The following CBFA2T2 variants were observed in gnomAD, a reference collection of about 807,000 sequenced individuals.
The protein encoded by CBFA2T2 is CBFA2/RUNX1 partner transcriptional co-repressor 2, also known as protein CBFA2T2.
Under a neutral mutation model 62.2 loss-of-function variants are expected in CBFA2T2, and 11 were observed. That is an observed-to-expected ratio of 0.18 (90% confidence interval 0.11 to 0.29). CBFA2T2 has a LOEUF of 0.29. Ranked by LOEUF, CBFA2T2 falls within the 10% of genes least tolerant of loss-of-function variation. CBFA2T2 has a pLI of 1.00. For missense variants in CBFA2T2, 592 were observed against 774.1 expected, an observed-to-expected ratio of 0.76 and a Z score of 2.79; for synonymous variants, 295 against 287.5, an observed-to-expected ratio of 1.03 and a Z score of -0.27.
chr20:33,552,241 T>A (rs2012760363), intron 1 of CBFA2T2, among the ~76,000 whole-genome samples: 1 of 152,186 alleles, frequency 6.6e-6, no homozygotes, highest in Admixed American at 6.5e-5. Flanking sequence ...TGGAGAGCAT[T>A]TTCAGGTTAT....
At chr20:33,525,891 C>T (rs770886073) in intron 1 of CBFA2T2, among the ~76,000 whole-genome samples, 1 of 151,596 alleles carries the variant, frequency 6.6e-6, no homozygotes, top group Non-Finnish European at 1.5e-5. Flanking sequence ...TGAGCTCAAG[C>T]GATCCTTGTG....
At chr20:33,505,608 C>T (rs187620422) in intron 1 of CBFA2T2, among the ~76,000 whole-genome samples, 2 of 152,070 alleles carry the variant, frequency 1.3e-5, no homozygotes, top group East Asian at 3.9e-4. Context: ...TGGAGAAACC[C>T]CCATCTCTGC....
chr20:33,635,763 A>G (rs886346204), intron 8 of CBFA2T2, among the ~76,000 whole-genome samples: 1 of 152,118 alleles, frequency 6.6e-6, no homozygotes, highest in African/African-American at 2.4e-5. Flanking sequence ...CTAAAGTCCT[A>G]GCTACTCAAG....
At chr20:33,609,643 G>A (rs1437988685) in intron 2 of CBFA2T2, among the ~76,000 whole-genome samples, 1 of 152,208 alleles carries the variant, frequency 6.6e-6, no homozygotes, top group African/African-American at 2.4e-5. Flanking sequence ...GAACCGTATG[G>A]GATGAAGAAG....
At chr20:33,503,376 T>G (rs1460603553) in intron 1 of CBFA2T2, among the ~76,000 whole-genome samples, 1 of 147,464 alleles carries the variant, frequency 6.8e-6, no homozygotes, top group Non-Finnish European at 1.5e-5. Flanking sequence ...TGCCTCAGCC[T>G]CCCGACTAGC....
At chr20:33,612,832 C>T (rs1056179705) in intron 3 of CBFA2T2, among the ~76,000 whole-genome samples, 8 of 152,160 alleles carry the variant, frequency 5.3e-5, no homozygotes, top group Non-Finnish European at 8.8e-5. Flanking sequence ...TGGTGGCTCA[C>T]GCCTGTAATT....
At chr20:33,597,626 A>G (rs990557541) in intron 1 of CBFA2T2, among the ~76,000 whole-genome samples, 19 of 152,140 alleles carry the variant, frequency 1.2e-4, no homozygotes, top group Non-Finnish European at 1.5e-5. Context: ...TGAGAATCTA[A>G]TGCCTGATGA....
At chr20:33,552,420 T>C (rs1264400633) in intron 1 of CBFA2T2, among the ~76,000 whole-genome samples, 2 of 152,190 alleles carry the variant, frequency 1.3e-5, no homozygotes, top group Non-Finnish European at 2.9e-5. Context: ...GATAATTGGC[T>C]TAGTAATTGA....
At chr20:33,582,214 C>T (rs148832732) in intron 1 of CBFA2T2, among the ~76,000 whole-genome samples, 28 of 152,192 alleles carry the variant, frequency 1.8e-4, no homozygotes, top group East Asian at 1.7e-3. Context: ...AATCAGCAGC[C>T]GGGCGCGGTG....
chr20:33,604,536 A>G (rs2015264299), intron 1 of CBFA2T2, among the ~76,000 whole-genome samples: 1 of 152,208 alleles, frequency 6.6e-6, no homozygotes, highest in Non-Finnish European at 1.5e-5. Flanking sequence ...TGGTGAAATG[A>G]AAAGTATCAA....
chr20:33,543,666 C>T (rs1475828630), intron 1 of CBFA2T2, among the ~76,000 whole-genome samples: 5 of 152,056 alleles, frequency 3.3e-5, no homozygotes, highest in South Asian at 2.1e-4. Context: ...TTGGAAAAAA[C>T]GGAAGCTCAG....
intron 1 of CBFA2T2, among the ~76,000 whole-genome samples, chr20:33,599,637 T>G (rs2015036832): frequency 6.6e-6 from 1 of 151,740 alleles, no homozygotes; most frequent in Non-Finnish European, 1.5e-5. Context: ...CAGGCTGTAG[T>G]GCAATGAATG....
chr20:33,595,364 A>ACCAT (rs769573417), intron 1 of CBFA2T2, among the ~76,000 whole-genome samples: 1 of 151,890 alleles, frequency 6.6e-6, no homozygotes, highest in African/African-American at 2.4e-5. Context: ...GGCGCACACC[A>ACCAT]CCATGCCCAG....
chr20:33,502,540 A>G (rs1395082248), intron 1 of CBFA2T2, among the ~76,000 whole-genome samples: 3 of 151,668 alleles, frequency 2.0e-5, no homozygotes, highest in Non-Finnish European at 2.9e-5. Context: ...AGTAGCTGGG[A>G]CCACAGGCGC....
At chr20:33,639,559 G>A (rs1392629869) in intron 9 of CBFA2T2, 7 of 151,682 alleles carry the variant, frequency 4.6e-5, no homozygotes, top group African/African-American at 1.5e-4. Flanking sequence ...GGGCAACAGA[G>A]CGGGACTCCG....
At chr20:33,599,016 TTTG>T (rs2122263254) in intron 1 of CBFA2T2, among the ~76,000 whole-genome samples, 1 of 151,142 alleles carries the variant, frequency 6.6e-6, no homozygotes, top group African/African-American at 2.4e-5. Flanking sequence ...ATCCCAGCAC[TTTG>T]GGAGGCCGAG....
intron 2 of CBFA2T2, among the ~76,000 whole-genome samples, chr20:33,608,994 G>A (rs2015431311): frequency 6.6e-6 from 1 of 152,102 alleles, no homozygotes; most frequent in Non-Finnish European, 1.5e-5. Flanking sequence ...TTTCTTTAGT[G>A]GAAGACACAA....
chr20:33,522,081 C>T (rs1333698217), intron 1 of CBFA2T2, among the ~76,000 whole-genome samples: 1 of 151,924 alleles, frequency 6.6e-6, no homozygotes, highest in Non-Finnish European at 1.5e-5. Flanking sequence ...ATAGAGGTCA[C>T]AGGTTCCATG....
chr20:33,519,691 A>G (rs184896352), intron 1 of CBFA2T2, among the ~76,000 whole-genome samples: 17 of 152,086 alleles, frequency 1.1e-4, no homozygotes, highest in Admixed American at 6.6e-4. Context: ...ATGTAGGTTC[A>G]CCCCCTGGAT....
Sources: gnomAD v4.1 joint callset for allele counts (sites outside exome capture counted in the v4.1 genomes callset) on GRCh38, gnomAD v4.1.1 for gene constraint, MANE v1.5 for transcripts, NCBI Gene and HGNC (gene_info 2026-07-23, HGNC 2026-07-21) for gene names.